EDA: variants seen among roughly 807,000 people sequenced by gnomAD.
EDA encodes the protein ectodysplasin-A.
EDA carries 2 observed loss-of-function variants against 23.6 expected under a neutral mutation model. That is an observed-to-expected ratio of 0.08 (90% confidence interval 0.03 to 0.27). EDA has a LOEUF of 0.27. EDA is among the 10% of genes least tolerant of loss of function. The probability of loss-of-function intolerance (pLI) is 1.00; values close to 1 mark genes in which losing one functional copy is unlikely to be tolerated. For missense variants in EDA, 229 were observed against 324.2 expected (o/e 0.71, Z 2.26); for synonymous variants, 131 against 132.0 (o/e 0.99, Z 0.05).
At chrX:69,923,296 C>A (rs886523776) in intron 1 of EDA, among the ~76,000 whole-genome samples, 1 of 110,414 alleles carries the variant, frequency 9.1e-6, no homozygotes, top group Non-Finnish European at 1.9e-5. Context: ...CCTTGCCCCC[C>A]ACCCCCAAAC....
At chrX:69,783,791 C>G (rs745565341) in intron 1 of EDA, among the ~76,000 whole-genome samples, 2 of 109,015 alleles carry the variant, frequency 1.8e-5, no homozygotes, top group South Asian at 4.0e-4. Context: ...ATTTATAGTC[C>G]TTTGGGTATA....
At chrX:69,775,012 T>C (rs2014738944) in intron 1 of EDA, among the ~76,000 whole-genome samples, 1 of 111,867 alleles carries the variant, frequency 8.9e-6, no homozygotes, top group African/African-American at 3.2e-5. Flanking sequence ...AAGTAAAATA[T>C]TATGGGTCAA....
chrX:69,832,065 G>A (rs2016625104), intron 1 of EDA, among the ~76,000 whole-genome samples: 1 of 111,472 alleles, frequency 9.0e-6, no homozygotes, highest in African/African-American at 3.3e-5. Context: ...GTCAATTTTG[G>A]CTTTTGTTTT....
intron 2 of EDA, among the ~76,000 whole-genome samples, chrX:69,970,665 C>T (rs745939969): frequency 5.4e-5 from 6 of 111,347 alleles, no homozygotes; most frequent in Admixed American, 2.9e-4. Flanking sequence ...TGGTCCAGAA[C>T]GGGATCTTCA....
At chrX:69,987,434 A>G (rs1326998115) in intron 2 of EDA, among the ~76,000 whole-genome samples, 1 of 109,421 alleles carries the variant, frequency 9.1e-6, no homozygotes, top group Non-Finnish European at 1.9e-5. Context: ...AACACAACAA[A>G]CAAAACTGAG....
chrX:69,932,637 T>G (rs1214598368), intron 1 of EDA, among the ~76,000 whole-genome samples: 7 of 111,982 alleles, frequency 6.3e-5, no homozygotes, highest in Non-Finnish European at 1.3e-4. Flanking sequence ...CATATGATTA[T>G]TTTTATATCT....
chrX:69,700,639 G>A (rs1394001605), intron 1 of EDA, among the ~76,000 whole-genome samples: 1 of 111,090 alleles, frequency 9.0e-6, no homozygotes, highest in Non-Finnish European at 1.9e-5. Context: ...GAGCTGCTTG[G>A]GGGATGGGAT....
At chrX:70,001,292 TGCACAATA>T (rs2019737200) in intron 2 of EDA, among the ~76,000 whole-genome samples, 1 of 111,625 alleles carries the variant, frequency 9.0e-6, no homozygotes. Flanking sequence ...GGACACAACA[TGCACAATA>T]GCACAATAGC....
chrX:70,002,918 C>T (rs1412562453), intron 2 of EDA, among the ~76,000 whole-genome samples: 1 of 112,300 alleles, frequency 8.9e-6, no homozygotes, highest in Non-Finnish European at 1.9e-5. Flanking sequence ...GAATTATTCA[C>T]TATACAGAGT....
chrX:69,731,408 G>A (rs1569311194), intron 1 of EDA, among the ~76,000 whole-genome samples: 4 of 110,634 alleles, frequency 3.6e-5, no homozygotes, highest in Admixed American at 1.9e-4. Flanking sequence ...AGCTGAATGA[G>A]TAGGTTATGA....
At chrX:69,880,779 A>G (rs1391076242) in intron 1 of EDA, among the ~76,000 whole-genome samples, 1 of 112,053 alleles carries the variant, frequency 8.9e-6, no homozygotes, top group Non-Finnish European at 1.9e-5. Flanking sequence ...GGCTTCAAAC[A>G]TGCTTATCTC....
At chrX:69,750,610 A>G (rs1298842010) in intron 1 of EDA, among the ~76,000 whole-genome samples, 1 of 111,351 alleles carries the variant, frequency 9.0e-6, no homozygotes, top group East Asian at 2.9e-4. Context: ...TGTCTTCCAC[A>G]ATGGTTGAAC....
chrX:69,908,951 T>C (rs2018217725), intron 1 of EDA, among the ~76,000 whole-genome samples: 1 of 110,233 alleles, frequency 9.1e-6, no homozygotes, highest in Admixed American at 9.8e-5. Context: ...TGTGATTCTT[T>C]CCTTAGAGGA....
intron 1 of EDA, among the ~76,000 whole-genome samples, chrX:69,954,844 T>A (rs2018976716): frequency 8.9e-6 from 1 of 111,734 alleles, no homozygotes; most frequent in Non-Finnish European, 1.9e-5. Flanking sequence ...TCCAATAGGC[T>A]CCAGTGTGTG....
At chrX:69,756,799 C>A (rs1413502156) in intron 1 of EDA, 1 of 111,950 alleles carries the variant, frequency 8.9e-6, no homozygotes, top group African/African-American at 3.2e-5. Context: ...CCTATACCAG[C>A]AAACTTTTTT....
chrX:69,937,132 A>G lies in EDA; in HGVS notation c.397-19895A>G, dbSNP rs1013137964. On this transcript the variant is annotated intron_variant, in intron 1 of 7. Coordinates refer to ENST00000374552, the MANE Select transcript of EDA (RefSeq NM_001399.5). ...TACAAGCATGTGTGTAGCTCAAAATAAAATAAAAATAAAAGGACTATTTCA... is the reference window on the plus strand; with the variant it reads ...TACAAGCATGTGTGTAGCTCAAAATGAAATAAAAATAAAAGGACTATTTCA... The G allele has an allele frequency of 4.2e-6, 4 of 956,380 alleles. No homozygotes were observed. The African/African-American group carries it at 5.8e-5, about 14-fold the overall frequency. 78.8% of individuals were successfully genotyped at this position (956,380 alleles called of 1,213,427 possible).
At chrX:69,621,244 C>T (rs1366324988) in intron 1 of EDA, among the ~76,000 whole-genome samples, 1 of 112,220 alleles carries the variant, frequency 8.9e-6, no homozygotes, top group Non-Finnish European at 1.9e-5. Context: ...TTCCCAAGAA[C>T]ATTACCAAGA....
At chrX:69,888,969 G>A (rs1190668076) in intron 1 of EDA, among the ~76,000 whole-genome samples, 5 of 25,930 alleles carry the variant, frequency 1.9e-4, no homozygotes, top group African/African-American at 6.9e-4. Context: ...TTGTTGTATT[G>A]TGGGGTAGTT....
At chrX:70,017,266 AAT>A (rs1453787620) in intron 2 of EDA, among the ~76,000 whole-genome samples, 1 of 111,931 alleles carries the variant, frequency 8.9e-6, no homozygotes. Flanking sequence ...TTCACAGCCA[AAT>A]TCTACCAGAT....
Sources: gnomAD v4.1 joint callset for allele counts (sites outside exome capture counted in the v4.1 genomes callset) on GRCh38, gnomAD v4.1.1 for gene constraint, MANE v1.5 for transcripts, NCBI Gene and HGNC (gene_info 2026-07-23, HGNC 2026-07-21) for gene names.